PCDHGA8: variants seen among roughly 807,000 people sequenced by gnomAD.
PCDHGA8 encodes protocadherin gamma subfamily A, 8.
Under a neutral mutation model 59.2 loss-of-function variants are expected in PCDHGA8, and 45 were observed. The observed-to-expected ratio is 0.76, with a 90% CI of 0.60 to 0.98. PCDHGA8 has a LOEUF of 0.98. Among genes scored for constraint, PCDHGA8 ranks in the 50% least tolerant of loss-of-function variants. The pLI, the probability that PCDHGA8 is intolerant of heterozygous loss-of-function variation, is 0.00. For missense variants in PCDHGA8, 1,257 were observed against 1,196.2 expected (o/e 1.05, Z -0.75); for synonymous variants, 531 against 519.0 (o/e 1.02, Z -0.32).
At chr5:141,483,640 G>T (rs1406049976) in intron 1 of PCDHGA8, among the ~76,000 whole-genome samples, 3 of 144,232 alleles carry the variant, frequency 2.1e-5, no homozygotes, top group Non-Finnish European at 4.5e-5. Flanking sequence ...GTATAGAGGG[G>T]TGTGTGTTTG....
intron 1 of PCDHGA8, among the ~76,000 whole-genome samples, chr5:141,397,436 G>GT (rs1255719276): frequency 6.6e-6 from 1 of 152,172 alleles, no homozygotes; most frequent in Non-Finnish European, 1.5e-5. Flanking sequence ...TCCCTAATAT[G>GT]TGTAATATAA....
At position 141,511,983 on chromosome 5, in the gene PCDHGA8, G is replaced by A. The variant is rs904146751; in HGVS notation, c.*810G>A. 6.5e-6 allele frequency: 1 copy of A among 153,280 alleles called. No homozygotes were observed. The highest frequency in any genetic ancestry group is 1.5e-5 in the Non-Finnish European group (1 of 68,572). The allele number at this position is 153,280 out of a possible 1,614,324, so 9.5% of individuals were successfully genotyped here. A position where few individuals can be genotyped will look rare whatever the true frequency, so the allele number is the denominator to read the frequency against. ...AGGGAAGTGTGTGGATGTGGATGGT[G>A]GGGGCATGGACAAAGCTTGACACAT... On this transcript the variant is annotated 3_prime_UTR_variant, in exon 4 of 4. Coordinates refer to ENST00000398604, the MANE Select transcript of PCDHGA8 (RefSeq NM_032088.2).
In PCDHGA8 at chr5:141,432,571, G is replaced by C; in HGVS notation, c.2424+37334G>C. On this transcript the variant is annotated intron_variant, in intron 1 of 3. Transcript: ENST00000398604. The surrounding 1 kb of genome is among the most constrained non-coding windows in gnomAD (Gnocchi z 6.0). ...GAGACTCCGGCCAGAACGCCTGGCT[G>C]TCCTACCGTCTGCTCAAGGCCAGCG... The C allele has an allele frequency of 6.2e-7, 1 of 1,613,954 alleles. No individual in the cohort carries two copies. The highest frequency in any genetic ancestry group is 8.5e-7 in the Non-Finnish European group (1 of 1,179,992).
chr5:141,489,275 A>C lies in PCDHGA8; in HGVS notation c.2425-5532A>C. On this transcript the variant is annotated intron_variant, in intron 1 of 3. Transcript: ENST00000398604. This position sits in a 1 kb window ranked among gnomAD's most constrained non-coding sequence, Gnocchi z 4.5. ...AAGACACTCCCACAGCTCGCTGGGA[A>C]ATGGCAAGTGCTGTGCATGTTGTCC... The C allele has an allele frequency of 4.5e-6, 7 of 1,556,298 alleles. No individual in the cohort carries two copies. Among genetic ancestry groups the C allele is most frequent in the Non-Finnish European group, 6.1e-6 (7 of 1,151,600 alleles).
At chr5:141,448,542 T>G (rs2098594694) in intron 1 of PCDHGA8, among the ~76,000 whole-genome samples, 1 of 152,210 alleles carries the variant, frequency 6.6e-6, no homozygotes, top group Non-Finnish European at 1.5e-5. Flanking sequence ...GCATTTCTTA[T>G]GCAAATATGT....
In PCDHGA8 at chr5:141,477,669, T is replaced by C; in HGVS notation, c.2425-17138T>C. Reference sequence around the variant, plus strand: ...TTCACAATAAATCGTGACAATGGCATAGTGTCATCCTTAGTGCCCCTAGAC... The same window carrying C: ...TTCACAATAAATCGTGACAATGGCACAGTGTCATCCTTAGTGCCCCTAGAC... On this transcript the variant is annotated intron_variant, in intron 1 of 3. Coordinates refer to ENST00000398604, the MANE Select transcript of PCDHGA8 (RefSeq NM_032088.2). This position sits in a 1 kb window ranked among gnomAD's most constrained non-coding sequence, Gnocchi z 4.9. 6.2e-7 allele frequency: 1 copy of C among 1,614,200 alleles called. No individual in the cohort carries two copies. Among genetic ancestry groups the C allele is most frequent in the Non-Finnish European group, 8.5e-7 (1 of 1,180,030 alleles).
Position 141,432,488 on chromosome 5 carries a change from C to G in PCDHGA8, c.2424+37251C>G. 6.2e-7 allele frequency: 1 copy of G among 1,614,202 alleles called. No homozygotes were observed. Among genetic ancestry groups the G allele is most frequent in the Non-Finnish European group, 8.5e-7 (1 of 1,180,048 alleles). On this transcript the variant is annotated intron_variant, in intron 1 of 3. Coordinates refer to ENST00000398604, the MANE Select transcript of PCDHGA8 (RefSeq NM_032088.2). This position sits in a 1 kb window ranked among gnomAD's most constrained non-coding sequence, Gnocchi z 6.0. ...CACGGACGGTTCCACTGGCGTGGAGCTGGCTCCCCGCTCCGCAGAGCCCGG... is the reference window on the plus strand; with the variant it reads ...CACGGACGGTTCCACTGGCGTGGAGGTGGCTCCCCGCTCCGCAGAGCCCGG...
At chr5:141,468,849 G>C (rs1349849817) in intron 1 of PCDHGA8, among the ~76,000 whole-genome samples, 2 of 152,058 alleles carry the variant, frequency 1.3e-5, no homozygotes, top group East Asian at 3.9e-4. Flanking sequence ...CTGGGCAACA[G>C]AGCGAGACTC....
intron 2 of PCDHGA8, among the ~76,000 whole-genome samples, chr5:141,500,001 A>G (rs961582279): frequency 6.6e-5 from 10 of 151,914 alleles, no homozygotes; most frequent in African/African-American, 2.4e-4. Context: ...TGATTCTTTC[A>G]TAAGGTCCAC....
In PCDHGA8 at chr5:141,511,173, A is replaced by T. The variant is rs1384881403; in HGVS notation, c.2799A>T (p.Ter933TyrextTer31). ...AGTCGGGCAAGAAGGAGAAGAAGTA[A>T]CATGGAGGCCAGGCCAAGAGCCACA... ...KKKSGKKEKK[*>Y] Residue 933 changes from the stop codon to tyrosine, a stop_lost, in exon 4 of 4, where the codon TAA (stop) becomes TAT (tyrosine). Coordinates refer to ENST00000398604, the MANE Select transcript of PCDHGA8 (RefSeq NM_032088.2). 6.2e-7 allele frequency: 1 copy of T among 1,614,132 alleles called. No homozygotes were observed.
At chr5:141,409,325 G>A (rs2095255437) in intron 1 of PCDHGA8, 1 of 1,613,984 alleles carries the variant, frequency 6.2e-7, no homozygotes, top group Non-Finnish European at 8.5e-7. Context: ...ACGGGATCTG[G>A]ATTTCGGAGG....
At chr5:141,506,934 G>A (rs187503673) in intron 3 of PCDHGA8, among the ~76,000 whole-genome samples, 54 of 152,232 alleles carry the variant, frequency 3.5e-4, no homozygotes, top group African/African-American at 1.3e-3. Flanking sequence ...AAACTTTAGG[G>A]GCCTCCTGTC....
chr5:141,425,530 A>G (rs1485711838), intron 1 of PCDHGA8, among the ~76,000 whole-genome samples: 1 of 152,246 alleles, frequency 6.6e-6, no homozygotes, highest in Non-Finnish European at 1.5e-5. Flanking sequence ...ACATGAAACA[A>G]TAATCCTTTT....
intron 1 of PCDHGA8, among the ~76,000 whole-genome samples, chr5:141,458,526 A>T (rs921943954): frequency 1.7e-4 from 26 of 151,492 alleles, no homozygotes; most frequent in African/African-American, 5.6e-4. Flanking sequence ...TTTTTTTTTA[A>T]CTTATCAACT....
At position 141,485,413 on chromosome 5, in the gene PCDHGA8, C is replaced by T; in HGVS notation, c.2425-9394C>T. ...AAAGACACTTCCGTGTGGATTTGGA[C>T]AGCGGAGCCCTGCTCATCAAGAACC... On this transcript the variant is annotated intron_variant, in intron 1 of 3. Transcript: ENST00000398604. The surrounding 1 kb of genome is among the most constrained non-coding windows in gnomAD (Gnocchi z 5.7). The T allele has an allele frequency of 6.2e-7, 1 of 1,614,158 alleles. No individual in the cohort carries two copies. The highest frequency in any genetic ancestry group is 8.5e-7 in the Non-Finnish European group (1 of 1,180,030).
rs549866784 is a variant in PCDHGA8, at chr5:141,437,490, A to G, written c.2424+42253A>G. ...TTTTATAGCATATTTAATCTCGTAGATCACTTTTCAATGAATTATAAGGCT... is the reference window on the plus strand; with the variant it reads ...TTTTATAGCATATTTAATCTCGTAGGTCACTTTTCAATGAATTATAAGGCT... On this transcript the variant is annotated intron_variant, in intron 1 of 3. Coordinates refer to ENST00000398604, the MANE Select transcript of PCDHGA8 (RefSeq NM_032088.2). 2.0e-5 allele frequency among the ~76,000 whole-genome samples: 3 copies of G among 152,308 alleles called. No homozygotes were observed. In the East Asian group the frequency reaches 5.8e-4, roughly 29 times the overall value.
intron 1 of PCDHGA8, among the ~76,000 whole-genome samples, chr5:141,492,418 C>T (rs1428695013): frequency 2.0e-5 from 3 of 152,236 alleles, no homozygotes; most frequent in Admixed American, 1.3e-4. Flanking sequence ...CCGCTCCCTC[C>T]GCCGGGCTCA....
At chr5:141,404,097 T>C in intron 1 of PCDHGA8, 1 of 1,613,584 alleles carries the variant, frequency 6.2e-7, no homozygotes, top group Non-Finnish European at 8.5e-7. Flanking sequence ...AATGGTCAAG[T>C]TGTCTGTTCT....
At chr5:141,404,170 G>T in intron 1 of PCDHGA8, 1 of 1,612,740 alleles carries the variant, frequency 6.2e-7, no homozygotes, top group Non-Finnish European at 8.5e-7. Flanking sequence ...GATTGTTGAC[G>T]GCCCAAATTC....
Sources: gnomAD v4.1 joint callset for allele counts (sites outside exome capture counted in the v4.1 genomes callset) on GRCh38, gnomAD v4.1.1 for gene constraint, Gnocchi (gnomAD v3.1) non-coding constraint, MANE v1.5 for transcripts, NCBI Gene and HGNC (gene_info 2026-07-23, HGNC 2026-07-21) for gene names.